Variants in SYN1 observed in about 807,000 individuals in gnomAD.
The protein encoded by SYN1 is synapsin I, also known as synapsin-1.
Under a neutral mutation model 44.6 loss-of-function variants are expected in SYN1, and 8 were observed. The observed-to-expected ratio is 0.18, with a 90% confidence interval of 0.11 to 0.32. The LOEUF (loss-of-function observed/expected upper bound fraction) is 0.32. Ranked by LOEUF, SYN1 falls within the 10% of genes least tolerant of loss-of-function variation. The pLI is 1.00. For synonymous variants in SYN1, 275 were observed against 280.1 expected (o/e 0.98, Z 0.18); for missense variants, 451 against 639.4 (o/e 0.71, Z 3.18).
At chrX:47,574,611 AAG>A in intron 11 of SYN1, 21 bp from the exon 12 acceptor site, 1 of 1,108,487 alleles carries the variant, frequency 9.0e-7, no homozygotes, top group Non-Finnish European at 1.2e-6. Context: ...GAGGGAGAGA[AAG>A]AGCACACGTG....
At chrX:47,580,101 C>T (rs2057791854) in intron 5 of SYN1, among the ~76,000 whole-genome samples, 1 of 109,326 alleles carries the variant, frequency 9.1e-6, no homozygotes, top group South Asian at 4.0e-4. Flanking sequence ...CTTAACATCT[C>T]TTCCTTAACT....
chrX:47,576,539 G>A lies in SYN1; in HGVS notation c.939C>T (p.Asp313=), dbSNP rs373928763. 3.9e-4 allele frequency: 476 copies of A among 1,210,166 alleles called. No individual in the cohort carries two copies. Among genetic ancestry groups the A allele is most frequent in the Non-Finnish European group, 4.9e-4 (442 of 895,323 alleles). ...TAEPFIDAKY[D]VRVQKIGQNY... is the part of the protein sequence containing the mutation. ...TCTGCCCAATCTTCTGGACACGCAC[G>A]TCATATTTGGCATCGATGAAGGGCT... Residue 313 remains aspartate, a synonymous_variant, in exon 7 of 13, where the codon GAC becomes GAT. Transcript: ENST00000295987.
chrX:47,604,841 C>G, intron 5 of SYN1, 137 bp downstream of exon 5: 1 of 601,738 alleles, frequency 1.7e-6, no homozygotes, highest in Non-Finnish European at 2.7e-6. Flanking sequence ...GACCCTATCA[C>G]AAAGCAACTT....
chrX:47,604,752 A>C, intron 5 of SYN1: 1 of 424,793 alleles, frequency 2.4e-6, no homozygotes, highest in Non-Finnish European at 4.1e-6. Context: ...AAAATAGACA[A>C]CATGAGTAAC....
At position 47,605,351 on chromosome X, in the gene SYN1, G is replaced by A; in HGVS notation, c.556C>T (p.Arg186Cys). The A allele has an allele frequency of 8.3e-7, 1 of 1,211,383 alleles. No individual in the cohort carries two copies. ...RSLKPDFVLI[R>C]QHAFSMARNG... ...CGTGCCATGCTGAAGGCGTGCTGGCGGATCAGCACAAAATCCGGCTTCAGA... is the reference window on the plus strand; with the variant it reads ...CGTGCCATGCTGAAGGCGTGCTGGCAGATCAGCACAAAATCCGGCTTCAGA... Residue 186 changes from arginine to cysteine, a missense_variant, in exon 4 of 13, where the codon CGC (arginine) becomes TGC (cysteine). Coordinates refer to ENST00000295987, the MANE Select transcript of SYN1 (RefSeq NM_006950.3).
chrX:47,604,841 C>T, intron 5 of SYN1, 137 bp downstream of exon 5: 2 of 601,738 alleles, frequency 3.3e-6, no homozygotes, highest in Non-Finnish European at 2.7e-6. Flanking sequence ...GACCCTATCA[C>T]AAAGCAACTT....
rs752695250 is a variant in SYN1 at position 47,573,869 on chromosome X, C to T, written c.1982+133G>A. ...GAAAGCTTGGGGGAAGGGCTTGGCT[C>T]AGGCTGGAGAGAGTTCGTGGGACCC... On this transcript the variant is annotated intron_variant, in intron 12 of 12. Coordinates refer to ENST00000295987, the MANE Select transcript of SYN1 (RefSeq NM_006950.3). 74 of 576,441 alleles carry T rather than the reference C, an allele frequency of 1.3e-4. No homozygotes were observed. The South Asian group carries it at 3.9e-3, about 31-fold the overall frequency. 47.5% of individuals were successfully genotyped at this position (576,441 alleles called of 1,213,427 possible).
At chrX:47,604,186 G>C (rs1011324219) in intron 5 of SYN1, among the ~76,000 whole-genome samples, 1 of 111,261 alleles carries the variant, frequency 9.0e-6, no homozygotes, top group African/African-American at 3.3e-5. Flanking sequence ...TGGGATTACA[G>C]GCATGAGCCA....
rs113050183 is a variant in SYN1 at position 47,586,243 on chromosome X, CCT to C, written c.775-8744_775-8743del. 0.012 allele frequency: 8,850 copies of C among 752,482 alleles called. 588 individuals are homozygous for C. The African/African-American group carries it at 0.19, about 16-fold the overall frequency. 62.0% of individuals were successfully genotyped at this position (752,482 alleles called of 1,213,427 possible). A position where few individuals can be genotyped will look rare whatever the true frequency, so the allele number is the denominator to read the frequency against. ...GGCCCCTTACTACTGCCAGTTTTTC[CCT>C]GTCCTTTGGGACAATTCCACAGGCG... On this transcript the variant is annotated intron_variant, in intron 5 of 12. Transcript: ENST00000295987.
intron 1 of SYN1, among the ~76,000 whole-genome samples, chrX:47,615,402 G>A (rs2057928408): frequency 9.0e-6 from 1 of 111,484 alleles, no homozygotes; most frequent in Non-Finnish European, 1.9e-5. Flanking sequence ...GTACTGTAAA[G>A]CCATTGTATA....
chrX:47,589,446 A>C (rs1278663854), intron 5 of SYN1, among the ~76,000 whole-genome samples: 1 of 108,773 alleles, frequency 9.2e-6, no homozygotes, highest in Non-Finnish European at 1.9e-5. Context: ...ACCAAAAAAA[A>C]AAAAAATTAG....
rs1471942298 is a variant in SYN1 at position 47,575,254 on chromosome X, C to T, written c.1179G>A (p.Pro393=). The change falls in exon 10 of 13, where the codon CCG becomes CCA. Residue 393 remains proline, a synonymous_variant. Coordinates refer to ENST00000295987, the MANE Select transcript of SYN1 (RefSeq NM_006950.3). The part of the protein sequence containing the change: ...HIIEVVGSSM[P]LIGDHQDEDK... The stretch of plus-strand genomic sequence containing the variant: ...CTTCATCCTGGTGGTCACCAATGAG[C>T]GGCATGGAGGAACCCACCACCTGGG... 8.3e-6 allele frequency: 10 copies of T among 1,208,767 alleles called. No individual in the cohort carries two copies. The Admixed American group carries it at 1.1e-4, about 13-fold the overall frequency.
chrX:47,608,952 A>C (rs1382903152), intron 1 of SYN1, among the ~76,000 whole-genome samples: 1 of 99,865 alleles, frequency 1.0e-5, no homozygotes, highest in African/African-American at 3.8e-5. Flanking sequence ...GACTTGACTG[A>C]CATATGCAAG....
chrX:47,579,857 A>ACCCCCCCC (rs2057790639), intron 5 of SYN1, among the ~76,000 whole-genome samples: 1 of 55,569 alleles, frequency 1.8e-5, no homozygotes, highest in African/African-American at 6.7e-5. Context: ...TCGCCCCCCC[A>ACCCCCCCC]CCCTCCCCCC....
intron 5 of SYN1, among the ~76,000 whole-genome samples, chrX:47,577,831 G>A (rs1283189736): frequency 1.0e-5 from 1 of 97,308 alleles, no homozygotes; most frequent in African/African-American, 3.8e-5. Context: ...ACAGTGGATG[G>A]ATGATAGTGA....
At chrX:47,608,389 T>C (rs774920678) in intron 1 of SYN1, among the ~76,000 whole-genome samples, 1 of 111,956 alleles carries the variant, frequency 8.9e-6, no homozygotes, top group Non-Finnish European at 1.9e-5. Flanking sequence ...CCTGTGTATA[T>C]GTCAGTGCCT....
chrX:47,574,760 C>A lies in SYN1; in HGVS notation c.1321G>T (p.Ala441Ser), dbSNP rs772106134. The A allele has an allele frequency of 8.8e-5, 104 of 1,184,806 alleles. No homozygotes were observed. Among genetic ancestry groups the A allele is most frequent in the Non-Finnish European group, 1.1e-4 (96 of 882,793 alleles). The part of the protein sequence containing the change: ...GSHGQTPSPG[A>S]LPLGRQTSQQ... Reference sequence around the variant, plus strand: ...GAGGTCTGGCGGCCCAAGGGCAGGGCCCCTGGGGACGGAGTCTGCGGCAGA... The same window carrying A: ...GAGGTCTGGCGGCCCAAGGGCAGGGACCCTGGGGACGGAGTCTGCGGCAGA... Residue 441 changes from alanine (A) to serine (S), a missense_variant, in exon 11 of 13, where the codon GCC becomes TCC. Physicochemically the swap from Ala to Ser is moderately conservative, Grantham distance 99 (BLOSUM62 1). Coordinates refer to ENST00000295987, the MANE Select transcript of SYN1 (RefSeq NM_006950.3).
chrX:47,578,995 C>T (rs1228714526), intron 5 of SYN1, among the ~76,000 whole-genome samples: 1 of 111,912 alleles, frequency 8.9e-6, no homozygotes, highest in East Asian at 2.8e-4. Context: ...GATGCCGAGG[C>T]GGATGCATAC....
At chrX:47,585,693 A>C (rs761918632) in intron 5 of SYN1, 1 of 1,205,606 alleles carries the variant, frequency 8.3e-7, no homozygotes, top group Admixed American at 2.2e-5. Flanking sequence ...CTGACCTCCA[A>C]CGGGAGATCC....
Sources: gnomAD v4.1 joint callset for allele counts (sites outside exome capture counted in the v4.1 genomes callset) on GRCh38, gnomAD v4.1.1 for gene constraint, MANE v1.5 for transcripts, NCBI Gene and HGNC (gene_info 2026-07-23, HGNC 2026-07-21) for gene names.